INSYN2B: variants seen among roughly 807,000 people sequenced by gnomAD.
INSYN2B encodes protein INSYN2B.
A neutral mutation model predicts 41.2 loss-of-function variants in INSYN2B; 16 were observed. The observed-to-expected ratio is 0.39, with a 90% CI of 0.26 to 0.59. INSYN2B has a LOEUF of 0.59. INSYN2B is among the 20% of genes least tolerant of loss of function. The pLI is 0.57. For synonymous variants in INSYN2B, 245 were observed against 244.4 expected, an observed-to-expected ratio of 1.00 and a Z score of -0.02; for missense variants, 608 against 646.4, an observed-to-expected ratio of 0.94 and a Z score of 0.64.
chr5:169,964,024 G>A (rs1050500710), intron 1 of INSYN2B, among the ~76,000 whole-genome samples: 1 of 152,100 alleles, frequency 6.6e-6, no homozygotes, highest in African/African-American at 2.4e-5. Context: ...TGGCAGGATT[G>A]GGGGAGGGAG....
chr5:169,929,686 G>C (rs1204293067), intron 1 of INSYN2B, among the ~76,000 whole-genome samples: 1 of 148,252 alleles, frequency 6.7e-6, no homozygotes, highest in Non-Finnish European at 1.5e-5. Context: ...AGGTCACAGT[G>C]AGCCAAGAGG....
chr5:169,915,227 TA>T (rs1774811218), intron 1 of INSYN2B, among the ~76,000 whole-genome samples: 1 of 152,162 alleles, frequency 6.6e-6, no homozygotes, highest in Non-Finnish European at 1.5e-5. Context: ...AACTTTCGGG[TA>T]AAAGCAAATA....
chr5:169,891,941 A>G (rs369208830), intron 1 of INSYN2B, among the ~76,000 whole-genome samples: 47 of 150,358 alleles, frequency 3.1e-4, no homozygotes, highest in African/African-American at 1.1e-3. Context: ...GGTTGCAGTG[A>G]GCCGAGATTG....
chr5:169,864,837 A>ACTGACAG (rs1771442836), intron 3 of INSYN2B, among the ~76,000 whole-genome samples: 1 of 152,200 alleles, frequency 6.6e-6, no homozygotes, highest in African/African-American at 2.4e-5. Flanking sequence ...AGACAAGAAA[A>ACTGACAG]CTGACAGCTC....
intron 1 of INSYN2B, among the ~76,000 whole-genome samples, chr5:169,897,335 C>A (rs1773670629): frequency 6.6e-6 from 1 of 152,106 alleles, no homozygotes; most frequent in Non-Finnish European, 1.5e-5. Flanking sequence ...CAGGCACACA[C>A]CACCACACCC....
At chr5:169,964,233 G>A (rs923439366) in intron 1 of INSYN2B, among the ~76,000 whole-genome samples, 12 of 152,096 alleles carry the variant, frequency 7.9e-5, no homozygotes, top group African/African-American at 2.9e-4. Context: ...GTGACCACAG[G>A]CCTTTTCTTA....
intron 1 of INSYN2B, among the ~76,000 whole-genome samples, chr5:169,938,189 G>T (rs1776077020): frequency 6.6e-6 from 1 of 151,888 alleles, no homozygotes; most frequent in Admixed American, 6.6e-5. Context: ...CTACCGCACA[G>T]CTGCCACCTT....
At chr5:169,968,843 G>A (rs1777395080) in intron 1 of INSYN2B, among the ~76,000 whole-genome samples, 1 of 152,192 alleles carries the variant, frequency 6.6e-6, no homozygotes, top group Non-Finnish European at 1.5e-5. Context: ...AGGGAGAATA[G>A]AGAAGGCTTC....
At chr5:169,926,963 G>T (rs1775489310) in intron 1 of INSYN2B, among the ~76,000 whole-genome samples, 1 of 152,210 alleles carries the variant, frequency 6.6e-6, no homozygotes, top group Non-Finnish European at 1.5e-5. Flanking sequence ...AAATGAGGCT[G>T]GCTACTTTAG....
chr5:169,868,049 A>G (rs539238610), intron 3 of INSYN2B, among the ~76,000 whole-genome samples: 2 of 152,332 alleles, frequency 1.3e-5, no homozygotes, highest in East Asian at 3.9e-4. Context: ...TCTTCATCAT[A>G]GAGTACCAGA....
rs1422701315 is a variant in INSYN2B at position 169,979,173 on chromosome 5, G to A, written c.-919+1104C>T. ...CCTCCACCCCTCTGTTCCCCATGCAGTATTCAGGCTTTTCCAGGTTTCTGA... is the reference window on the plus strand; with the variant it reads ...CCTCCACCCCTCTGTTCCCCATGCAATATTCAGGCTTTTCCAGGTTTCTGA... On this transcript the variant is annotated intron_variant, in intron 1 of 3. Transcript: ENST00000377365. Among the ~76,000 whole-genome samples the A allele has an allele frequency of 2.0e-5, 3 of 152,170 alleles. No homozygotes were observed. In the East Asian group the frequency reaches 5.8e-4, roughly 29 times the overall value.
At position 169,912,355 on chromosome 5, in the gene INSYN2B, AT is replaced by A. The variant is rs543411472; in HGVS notation, c.-918-27540del. ...GTTCCTTGGTTGAAGGGTGGCTCTT[AT>A]TTACATGCCCTTTCTTATCATTGTC... On this transcript the variant is annotated intron_variant, in intron 1 of 3. Transcript: ENST00000377365. 1.3e-3 allele frequency among the ~76,000 whole-genome samples: 199 copies of A among 152,198 alleles called. 1 individual carries two copies. The highest frequency in any genetic ancestry group is 4.5e-3 in the African/African-American group (188 of 41,544).
chr5:169,916,731 C>T (rs570959723), intron 1 of INSYN2B, among the ~76,000 whole-genome samples: 1 of 152,244 alleles, frequency 6.6e-6, no homozygotes, highest in South Asian at 2.1e-4. Flanking sequence ...ATTTTATGTG[C>T]CAGGCACCAG....
intron 1 of INSYN2B, among the ~76,000 whole-genome samples, chr5:169,925,699 G>A (rs370921816): frequency 7.6e-5 from 11 of 145,252 alleles, no homozygotes; most frequent in South Asian, 6.9e-4. Context: ...TCTGTAGAAC[G>A]GAGTGACAAT....
intron 1 of INSYN2B, among the ~76,000 whole-genome samples, chr5:169,914,834 A>G (rs969942081): frequency 4.6e-5 from 7 of 152,176 alleles, no homozygotes; most frequent in African/African-American, 1.7e-4. Flanking sequence ...CTCTATAGAC[A>G]CTTTTGCATC....
intron 1 of INSYN2B, among the ~76,000 whole-genome samples, chr5:169,971,934 G>A (rs918025762): frequency 6.6e-5 from 10 of 152,106 alleles, no homozygotes; most frequent in African/African-American, 1.7e-4. Flanking sequence ...ATATGAAGCA[G>A]CAATTTCTCA....
At chr5:169,929,506 G>T (rs945295795) in intron 1 of INSYN2B, among the ~76,000 whole-genome samples, 2 of 152,198 alleles carry the variant, frequency 1.3e-5, no homozygotes, top group Admixed American at 6.5e-5. Flanking sequence ...GAAGGCTGAG[G>T]GGGGAGGATT....
Position 169,883,506 on chromosome 5 carries a change from G to A in INSYN2B, c.393C>T (p.Ala131=), listed in dbSNP as rs1239060266. Residue 131 remains alanine, a synonymous_variant, in exon 2 of 4, where the codon GCC becomes GCT. Coordinates refer to ENST00000377365, the MANE Select transcript of INSYN2B (RefSeq NM_001129891.3). The part of the protein sequence containing the change: ...LVEMPTASQS[A]IQVNGNLSEQ... ...CAGAGAGGTTACCGTTGACCTGGAT[G>A]GCACTTTGGGAGGCTGTTGGCATTT... is the stretch of plus-strand genomic sequence containing the variant. 2.6e-6 allele frequency: 4 copies of A among 1,551,616 alleles called. No homozygotes were observed. The highest frequency in any genetic ancestry group is 2.0e-5 in the Admixed American group (1 of 50,990).
At chr5:169,912,604 T>C (rs1373167200) in intron 1 of INSYN2B, among the ~76,000 whole-genome samples, 1 of 141,446 alleles carries the variant, frequency 7.1e-6, no homozygotes, top group Non-Finnish European at 1.5e-5. Context: ...TATGTGCCAC[T>C]GTGTGTGGTG....
Sources: gnomAD v4.1 joint callset for allele counts (sites outside exome capture counted in the v4.1 genomes callset) on GRCh38, gnomAD v4.1.1 for gene constraint, MANE v1.5 for transcripts, NCBI Gene and HGNC (gene_info 2026-07-23, HGNC 2026-07-21) for gene names.